The following IMMP2L variants were observed in gnomAD, a reference collection of about 807,000 sequenced individuals.
IMMP2L encodes inner mitochondrial membrane peptidase subunit 2, also known as mitochondrial inner membrane protease subunit 2.
Under a neutral mutation model 19.3 loss-of-function variants are expected in IMMP2L, and 18 were observed. The ratio of observed to expected loss-of-function variants is 0.93; its 90% CI spans 0.64 to 1.38. The LOEUF is 1.38. IMMP2L is among the 40% of genes most tolerant of loss of function. IMMP2L has a pLI of 0.00. For synonymous variants in IMMP2L, 76 were observed against 73.0 expected, an observed-to-expected ratio of 1.04 and a Z score of -0.21; for missense variants, 233 against 218.2, an observed-to-expected ratio of 1.07 and a Z score of -0.43.
intron 4 of IMMP2L, among the ~76,000 whole-genome samples, chr7:110,961,016 T>TA (rs779186038): frequency 4.3e-4 from 65 of 151,930 alleles, no homozygotes; most frequent in Admixed American, 7.2e-4. Flanking sequence ...ATGGCTATAA[T>TA]AAAAAATATT....
Position 111,243,661 on chromosome 7 carries a change from C to G in IMMP2L, c.239+243577G>C, listed in dbSNP as rs1233314071. ...AGGTATATCTCCCAATGCTATCCCTCCCCCCTCCCCCGACCCCACCACAGT... is the reference window on the plus strand; with the variant it reads ...AGGTATATCTCCCAATGCTATCCCTGCCCCCTCCCCCGACCCCACCACAGT... On this transcript the variant is annotated intron_variant, in intron 3 of 5. Coordinates refer to ENST00000405709, the MANE Select transcript of IMMP2L (RefSeq NM_032549.4). Among the ~76,000 whole-genome samples the G allele has an allele frequency of 6.5e-5, 7 of 107,488 alleles. No individual in the cohort carries two copies. In the Admixed American group the frequency reaches 7.0e-4, roughly 11 times the overall value. 70.5% of individuals were successfully genotyped at this position (107,488 alleles called of 152,430 possible). A position where few individuals can be genotyped will look rare whatever the true frequency, so the allele number is the denominator to read the frequency against.
intron 3 of IMMP2L, among the ~76,000 whole-genome samples, chr7:111,283,415 A>G (rs140376718): frequency 0.011 from 1,667 of 152,262 alleles, 16 homozygotes; most frequent in Middle Eastern, 0.02. Context: ...ATGAATATGA[A>G]TTTATGTGGC....
At chr7:110,847,767 T>C (rs1340560235) in intron 5 of IMMP2L, among the ~76,000 whole-genome samples, 3 of 152,144 alleles carry the variant, frequency 2.0e-5, no homozygotes, top group Non-Finnish European at 4.4e-5. Context: ...TATAGTCAAC[T>C]GATCTTTGAC....
intron 3 of IMMP2L, among the ~76,000 whole-genome samples, chr7:111,015,464 A>T (rs1825401438): frequency 6.6e-6 from 1 of 152,136 alleles, no homozygotes; most frequent in Non-Finnish European, 1.5e-5. Context: ...AAAATGAAAA[A>T]GTTCTGCAGA....
intron 5 of IMMP2L, among the ~76,000 whole-genome samples, chr7:110,761,265 G>A (rs1490992894): frequency 2.6e-5 from 4 of 152,092 alleles, no homozygotes; most frequent in Admixed American, 6.6e-5. Context: ...GGTAAAAAAC[G>A]AAAATATAGC....
At chr7:111,265,452 C>T (rs767283429) in intron 3 of IMMP2L, among the ~76,000 whole-genome samples, 2 of 152,076 alleles carry the variant, frequency 1.3e-5, no homozygotes, top group Non-Finnish European at 2.9e-5. Context: ...TTGTCAGGAG[C>T]TGTACTAATG....
At chr7:110,829,627 G>A (rs377531620) in intron 5 of IMMP2L, among the ~76,000 whole-genome samples, 105 of 152,164 alleles carry the variant, frequency 6.9e-4, no homozygotes, top group African/African-American at 2.4e-3. Context: ...AAAACCCCAA[G>A]CATCTGTGAA....
At chr7:111,116,653 T>C (rs2129585818) in intron 3 of IMMP2L, among the ~76,000 whole-genome samples, 1 of 152,302 alleles carries the variant, frequency 6.6e-6, no homozygotes, top group Non-Finnish European at 1.5e-5. Context: ...GAGAGCGATG[T>C]GATTACTCTC....
chr7:111,121,651 C>T (rs1800634944), intron 3 of IMMP2L, among the ~76,000 whole-genome samples: 1 of 152,126 alleles, frequency 6.6e-6, no homozygotes, highest in South Asian at 2.1e-4. Flanking sequence ...ACTAGTTCAA[C>T]CATTGTAGAA....
At chr7:110,968,190 T>G (rs1819757388) in intron 3 of IMMP2L, among the ~76,000 whole-genome samples, 1 of 151,914 alleles carries the variant, frequency 6.6e-6, no homozygotes, top group Non-Finnish European at 1.5e-5. Context: ...AAGGTAAGAT[T>G]AGATCAGAAA....
At chr7:111,413,232 A>G (rs1771418088) in intron 3 of IMMP2L, among the ~76,000 whole-genome samples, 2 of 152,150 alleles carry the variant, frequency 1.3e-5, no homozygotes, top group South Asian at 4.1e-4. Flanking sequence ...CAATCTTCCC[A>G]AAAAGAAAAT....
At chr7:111,400,146 C>G (rs1411496665) in intron 3 of IMMP2L, among the ~76,000 whole-genome samples, 2 of 152,078 alleles carry the variant, frequency 1.3e-5, no homozygotes, top group Non-Finnish European at 2.9e-5. Context: ...AGTCCCCCAA[C>G]TAAACCAAAA....
At chr7:111,268,447 T>C (rs1818052919) in intron 3 of IMMP2L, among the ~76,000 whole-genome samples, 1 of 145,504 alleles carries the variant, frequency 6.9e-6, no homozygotes, top group African/African-American at 2.6e-5. Flanking sequence ...AGAGGTAAAC[T>C]TGCTGGGTTT....
intron 4 of IMMP2L, among the ~76,000 whole-genome samples, chr7:110,917,806 CA>C (rs1378764953): frequency 6.6e-6 from 1 of 151,460 alleles, no homozygotes; most frequent in Non-Finnish European, 1.5e-5. Context: ...AGTTGCCTGG[CA>C]AAAAGAAGCT....
intron 5 of IMMP2L, among the ~76,000 whole-genome samples, chr7:110,720,039 T>G (rs1240057168): frequency 6.6e-6 from 1 of 152,354 alleles, no homozygotes; most frequent in South Asian, 2.1e-4. Flanking sequence ...CAATTTGGGA[T>G]GACCTGATGT....
At chr7:111,168,164 G>T (rs897963911) in intron 3 of IMMP2L, among the ~76,000 whole-genome samples, 3 of 151,874 alleles carry the variant, frequency 2.0e-5, no homozygotes, top group African/African-American at 4.8e-5. Context: ...TGTAAAAATG[G>T]ACTTAATTTT....
intron 3 of IMMP2L, among the ~76,000 whole-genome samples, chr7:111,460,457 A>T (rs935079886): frequency 3.9e-5 from 6 of 152,120 alleles, no homozygotes; most frequent in Non-Finnish European, 8.8e-5. Context: ...AGAACAAAAG[A>T]GTCAGGCTAT....
intron 3 of IMMP2L, among the ~76,000 whole-genome samples, chr7:111,408,326 T>C (rs1584984523): frequency 6.6e-6 from 1 of 151,690 alleles, no homozygotes; most frequent in East Asian, 1.9e-4. Context: ...GCATATTCAG[T>C]GAGAGACTTA....
At chr7:111,113,773 C>T (rs754595087) in intron 3 of IMMP2L, among the ~76,000 whole-genome samples, 1 of 152,098 alleles carries the variant, frequency 6.6e-6, no homozygotes, top group Non-Finnish European at 1.5e-5. Context: ...TCCTGTCATT[C>T]AAGCAGGGGA....
Sources: gnomAD v4.1 joint callset for allele counts (sites outside exome capture counted in the v4.1 genomes callset) on GRCh38, gnomAD v4.1.1 for gene constraint, MANE v1.5 for transcripts, NCBI Gene and HGNC (gene_info 2026-07-23, HGNC 2026-07-21) for gene names.